The following APBA1 variants were observed in gnomAD, a reference collection of about 807,000 sequenced individuals.
The protein encoded by APBA1 is amyloid-beta A4 precursor protein-binding family A member 1.
In APBA1, 55 loss-of-function variants were observed where a neutral mutation model predicts 86.6. The ratio of observed to expected loss-of-function variants is 0.64; its 90% CI spans 0.51 to 0.80. The LOEUF (loss-of-function observed/expected upper bound fraction) is 0.80, where lower values mean the gene tolerates loss of function less well. Among genes scored for constraint, APBA1 ranks in the 30% least tolerant of loss-of-function variants. The pLI is 0.00. For synonymous variants in APBA1, 511 were observed against 493.9 expected, an observed-to-expected ratio of 1.03 and a Z score of -0.46; for missense variants, 1,090 against 1,183.0, an observed-to-expected ratio of 0.92 and a Z score of 1.15.
At chr9:69,523,509 A>G (rs1033126282) in intron 1 of APBA1, among the ~76,000 whole-genome samples, 3 of 53,758 alleles carry the variant, frequency 5.6e-5, no homozygotes, top group East Asian at 8.1e-4. Flanking sequence ...ATATATATAT[A>G]TATATATATA....
intron 1 of APBA1, among the ~76,000 whole-genome samples, chr9:69,587,601 T>C (rs1822046254): frequency 6.6e-6 from 1 of 152,148 alleles, no homozygotes; most frequent in Non-Finnish European, 1.5e-5. Context: ...TGTCTAAGAA[T>C]TATGAGTAGA....
At chr9:69,522,424 A>G (rs1836268472) in intron 1 of APBA1, among the ~76,000 whole-genome samples, 1 of 152,026 alleles carries the variant, frequency 6.6e-6, no homozygotes, top group Non-Finnish European at 1.5e-5. Context: ...CACTCATGCA[A>G]ACTCCTTCAA....
rs116032578 is a variant in APBA1 at position 69,498,828 on chromosome 9, G to A, written c.1200+17183C>T. Among the ~76,000 whole-genome samples the A allele has an allele frequency of 7.1e-3, 1,081 of 152,266 alleles. 15 individuals are homozygous for A. The highest frequency in any genetic ancestry group is 0.024 in the African/African-American group (1,007 of 41,560). On this transcript the variant is annotated intron_variant, in intron 2 of 12. Transcript: ENST00000265381. ...GAGGCCATATTTCTTATTCCTTTAT[G>A]TAGCTAGTGTTCAATGAAACACAAA... is the stretch of plus-strand genomic sequence containing the variant.
intron 2 of APBA1, among the ~76,000 whole-genome samples, chr9:69,505,782 C>T (rs906558500): frequency 1.3e-5 from 2 of 151,998 alleles, no homozygotes; most frequent in African/African-American, 4.8e-5. Context: ...TTTTGGGAGG[C>T]TGAAGCAGGT....
intron 1 of APBA1, among the ~76,000 whole-genome samples, chr9:69,517,618 A>G (rs1836189774): frequency 6.6e-6 from 1 of 152,306 alleles, no homozygotes; most frequent in African/African-American, 2.4e-5. Flanking sequence ...GGGCCAACTG[A>G]CACATTTTCC....
chr9:69,611,285 G>GAAAAAAAAA (rs56357426), intron 1 of APBA1, among the ~76,000 whole-genome samples: 74 of 111,896 alleles, frequency 6.6e-4, no homozygotes, highest in East Asian at 9.0e-4. Flanking sequence ...ACCAGAAAAG[G>GAAAAAAAAA]AAAAAAAAAA....
At chr9:69,555,670 C>T (rs1205445210) in intron 1 of APBA1, among the ~76,000 whole-genome samples, 1 of 151,990 alleles carries the variant, frequency 6.6e-6, no homozygotes, top group African/African-American at 2.4e-5. Flanking sequence ...ATATTTAATG[C>T]CTTTTTAAAA....
intron 2 of APBA1, chr9:69,494,342 G>C (rs1835761921): frequency 6.6e-6 from 1 of 152,036 alleles, no homozygotes; most frequent in South Asian, 2.1e-4. Context: ...AAATCTATAG[G>C]TTGAAGACCT....
intron 1 of APBA1, among the ~76,000 whole-genome samples, chr9:69,660,463 T>C (rs1398371002): frequency 6.6e-6 from 1 of 152,240 alleles, no homozygotes; most frequent in Non-Finnish European, 1.5e-5. Context: ...CTGGCCACTT[T>C]AGTTATCATC....
chr9:69,556,053 C>G (rs979120404), intron 1 of APBA1, among the ~76,000 whole-genome samples: 2 of 152,142 alleles, frequency 1.3e-5, no homozygotes, highest in African/African-American at 2.4e-5. Flanking sequence ...TTTCATATTT[C>G]TAGCTCAAAA....
chr9:69,648,716 C>T (rs376094957), intron 1 of APBA1, among the ~76,000 whole-genome samples: 34 of 152,232 alleles, frequency 2.2e-4, no homozygotes, highest in East Asian at 1.4e-3. Flanking sequence ...GTTCCCTGCT[C>T]TATCCCTCAT....
intron 1 of APBA1, among the ~76,000 whole-genome samples, chr9:69,645,926 T>A (rs1216261929): frequency 6.6e-6 from 1 of 152,180 alleles, no homozygotes; most frequent in Non-Finnish European, 1.5e-5. Context: ...TTAGCCAGAG[T>A]CATTTTCTGT....
intron 1 of APBA1, among the ~76,000 whole-genome samples, chr9:69,622,051 T>C (rs1822829680): frequency 6.6e-6 from 1 of 152,154 alleles, no homozygotes; most frequent in Non-Finnish European, 1.5e-5. Context: ...CAAAATCAAC[T>C]GGGGAGCTTT....
chr9:69,457,695 T>TAGC (rs991034302), intron 6 of APBA1, among the ~76,000 whole-genome samples: 55 of 152,196 alleles, frequency 3.6e-4, no homozygotes, highest in Admixed American at 2.2e-3. Context: ...CCAGGAGTAG[T>TAGC]AGCTCATAAG....
intron 1 of APBA1, among the ~76,000 whole-genome samples, chr9:69,640,149 C>A (rs1823257931): frequency 1.3e-5 from 2 of 152,120 alleles, no homozygotes; most frequent in Non-Finnish European, 2.9e-5. Flanking sequence ...TAATGCCCAT[C>A]TATTTTGCAT....
intron 7 of APBA1, among the ~76,000 whole-genome samples, 175 bp from the exon 8 acceptor site, chr9:69,456,607 C>T (rs1399013000): frequency 6.6e-6 from 1 of 152,052 alleles, no homozygotes; most frequent in African/African-American, 2.4e-5. Flanking sequence ...AGGGCATTTC[C>T]CTTAGCTAAT....
At chr9:69,518,028 G>T (rs1000619281) in intron 1 of APBA1, among the ~76,000 whole-genome samples, 8 of 152,126 alleles carry the variant, frequency 5.3e-5, no homozygotes, top group African/African-American at 1.9e-4. Flanking sequence ...CTTTTTCCTA[G>T]AGGCCAATGT....
At chr9:69,487,961 A>G (rs772892309) in intron 2 of APBA1, among the ~76,000 whole-genome samples, 2 of 152,148 alleles carry the variant, frequency 1.3e-5, no homozygotes, top group Non-Finnish European at 2.9e-5. Context: ...AAAAACAAAT[A>G]ATAGCAAATA....
chr9:69,427,943 A>G lies in APBA1; in HGVS notation c.*3384T>C, dbSNP rs1415638558. 6.6e-6 allele frequency: 1 copy of G among 152,226 alleles called. No homozygotes were observed. The highest frequency in any genetic ancestry group is 1.5e-5 in the Non-Finnish European group (1 of 68,054). The allele number at this position is 152,226 out of a possible 1,614,324, so 9.4% of individuals were successfully genotyped here. A position where few individuals can be genotyped will look rare whatever the true frequency, so the allele number is the denominator to read the frequency against. ...GGTGCTGTGCTAAGTATGTACAAGA[A>G]ATGTCATTCCCACACAGTCCTCACA... is the stretch of plus-strand genomic sequence containing the variant. On this transcript the variant is annotated 3_prime_UTR_variant, in exon 13 of 13. Coordinates refer to ENST00000265381, the MANE Select transcript of APBA1 (RefSeq NM_001163.4).
Sources: allele counts gnomAD v4.1 joint callset (sites outside exome capture counted in the v4.1 genomes callset), GRCh38; gene constraint gnomAD v4.1.1; transcripts MANE v1.5; gene names NCBI Gene and HGNC (gene_info 2026-07-23, HGNC 2026-07-21).